Variants in ABCB1 observed in about 807,000 individuals in gnomAD.
ABCB1 encodes ATP binding cassette subfamily B member 1.
A neutral mutation model predicts 142.0 loss-of-function variants in ABCB1; 69 were observed. That is an observed-to-expected ratio of 0.49 (90% CI 0.40 to 0.59). The LOEUF (loss-of-function observed/expected upper bound fraction) is 0.59, where lower values mean the gene tolerates loss of function less well. Ranked by LOEUF, ABCB1 falls within the 20% of genes least tolerant of loss-of-function variation. The pLI, the probability that ABCB1 is intolerant of heterozygous loss-of-function variation, is 0.00. For missense variants in ABCB1, 1,326 were observed against 1,554.7 expected (o/e 0.85, Z 2.47); for synonymous variants, 532 against 539.2 (o/e 0.99, Z 0.18).
intron 1 of ABCB1, among the ~76,000 whole-genome samples, chr7:87,668,762 T>C (rs1261479442): frequency 6.6e-6 from 1 of 152,234 alleles, no homozygotes; most frequent in East Asian, 1.9e-4. Context: ...GCATGATGTT[T>C]AATTTCTGTG....
chr7:87,509,420 A>G lies in ABCB1; in HGVS notation c.3344T>C (p.Ile1115Thr), dbSNP rs199931681. 10 of 1,614,070 alleles carry G rather than the reference A, an allele frequency of 6.2e-6. No individual in the cohort carries two copies. Among genetic ancestry groups the G allele is most frequent in the South Asian group, 1.1e-5 (1 of 91,080 alleles). ...NVQWLRAHLG[I>T]VSQEPILFDC... ...AAACAGGATGGGCTCCTGGGACACGATGCCCAGGTGTGCTCGGAGCCACTG... is the reference window on the plus strand; with the variant it reads ...AAACAGGATGGGCTCCTGGGACACGGTGCCCAGGTGTGCTCGGAGCCACTG... Residue 1115 changes from isoleucine (I) to threonine (T), a missense_variant, in exon 26 of 28, where the codon ATC (isoleucine) becomes ACC (threonine). Coordinates refer to ENST00000622132, the MANE Select transcript of ABCB1 (RefSeq NM_001348946.2).
chr7:87,646,430 C>T (rs1168389930), intron 1 of ABCB1, among the ~76,000 whole-genome samples: 2 of 152,028 alleles, frequency 1.3e-5, no homozygotes, highest in East Asian at 3.8e-4. Flanking sequence ...ATGAATTAAG[C>T]ACTTTGTTAA....
At chr7:87,549,830 C>T in intron 13 of ABCB1, 21 bp downstream of exon 13, 1 of 1,613,766 alleles carries the variant, frequency 6.2e-7, no homozygotes, top group Middle Eastern at 1.6e-4. Context: ...TCTAGAAAGG[C>T]AAAGGGCAAG....
At chr7:87,551,572 A>T (rs1348342565) in intron 9 of ABCB1, among the ~76,000 whole-genome samples, 4 of 152,166 alleles carry the variant, frequency 2.6e-5, no homozygotes, top group African/African-American at 9.6e-5. Flanking sequence ...GCTCACTGCA[A>T]CTTCAACCTC....
chr7:87,534,190 T>C (rs1030728172), intron 20 of ABCB1, among the ~76,000 whole-genome samples: 2 of 152,134 alleles, frequency 1.3e-5, no homozygotes, highest in African/African-American at 4.8e-5. Flanking sequence ...ATACATCTGC[T>C]CTGGGTTCTG....
rs758834776 is a variant in ABCB1, at chr7:87,566,114, C to T, written c.658G>A (p.Ala220Thr). ...GACAGTCCAAGAACAGGACTGATGGCCAAAATCACAAGGGTTAGCTTCCAA... is the reference window on the plus strand; with the variant it reads ...GACAGTCCAAGAACAGGACTGATGGTCAAAATCACAAGGGTTAGCTTCCAA... ...RGWKLTLVIL[A>T]ISPVLGLSAA... The change falls in exon 7 of 28, where the codon GCC (alanine) becomes ACC (threonine). Residue 220 changes from alanine to threonine, a missense_variant. Transcript: ENST00000622132. The T allele has an allele frequency of 1.5e-5, 24 of 1,614,014 alleles. No homozygotes were observed. Among genetic ancestry groups the T allele is most frequent in the East Asian group, 6.7e-5 (3 of 44,888 alleles).
intron 2 of ABCB1, among the ~76,000 whole-genome samples, chr7:87,596,882 T>G (rs962774802): frequency 1.3e-5 from 2 of 152,050 alleles, no homozygotes; most frequent in African/African-American, 4.8e-5. Context: ...GGAACCAGGA[T>G]GAAAGGAGAA....
intron 4 of ABCB1, 62 bp downstream of exon 4, chr7:87,585,450 C>A: frequency 1.3e-6 from 2 of 1,545,298 alleles, no homozygotes; most frequent in Non-Finnish European, 1.8e-6. Flanking sequence ...CCATAAACAT[C>A]ACTCTAAGTG....
chr7:87,522,317 T>C, intron 21 of ABCB1: 5 of 757,210 alleles, frequency 6.6e-6, no homozygotes, highest in South Asian at 5.4e-5. Context: ...CTCTGGCCCC[T>C]ATGCTGGTAC....
Position 87,655,262 on chromosome 7 carries a change from C to A in ABCB1, c.-330-54184G>T, listed in dbSNP as rs534275822. ...TGAAATCAGTGTCTCGAAGAGTTAT[C>A]TCTACTCCCATGTTCATTGCAGGAT... On this transcript the variant is annotated intron_variant, in intron 1 of 28. Coordinates refer to the ABCB1 transcript ENST00000265724. 8.4e-4 allele frequency among the ~76,000 whole-genome samples: 128 copies of A among 152,294 alleles called. 1 individual carries two copies. Among genetic ancestry groups the A allele is most frequent in the Admixed American group, 7.3e-3 (112 of 15,266 alleles).
intron 1 of ABCB1, among the ~76,000 whole-genome samples, chr7:87,655,314 C>T (rs920142545): frequency 2.0e-5 from 3 of 152,048 alleles, no homozygotes; most frequent in South Asian, 2.1e-4. Flanking sequence ...GATAAGGACT[C>T]AACCTAATTG....
In ABCB1 at chr7:87,552,839, C is replaced by T. The variant is rs577627450; in HGVS notation, c.999+922G>A. On this transcript the variant is annotated intron_variant, in intron 9 of 27. Coordinates refer to ENST00000622132, the MANE Select transcript of ABCB1 (RefSeq NM_001348946.2). ...CCTCAATCTATTTCTGCTTGGCCTA[C>T]GAAAAAGGAACTAAGTGACTCTTCT... Among the ~76,000 whole-genome samples the T allele has an allele frequency of 6.6e-5, 10 of 151,722 alleles. No homozygotes were observed. In the East Asian group the frequency reaches 1.2e-3, roughly 18 times the overall value.
intron 1 of ABCB1, chr7:87,694,020 G>A (rs537238617): frequency 1.0e-4 from 165 of 1,599,778 alleles, no homozygotes; most frequent in East Asian, 1.3e-4. Flanking sequence ...ATTGACTTTC[G>A]GGGGAGGGCT....
chr7:87,598,707 G>A (rs1414118900), intron 2 of ABCB1, among the ~76,000 whole-genome samples: 4 of 152,156 alleles, frequency 2.6e-5, no homozygotes, highest in African/African-American at 9.7e-5. Context: ...TTCAGCAGTA[G>A]CATTCAGTAT....
At position 87,608,002 on chromosome 7, in the gene ABCB1, T is replaced by C. The variant is rs1037776363; in HGVS notation, c.-330-6924A>G. 5.3e-5 allele frequency among the ~76,000 whole-genome samples: 8 copies of C among 152,342 alleles called. No individual in the cohort carries two copies. In the East Asian group the frequency reaches 1.5e-3, roughly 29 times the overall value. Reference sequence around the variant, plus strand: ...AAAGTCAATACCCAAGGAAGCTATATACCAATTTCAATGATGCCTGCCAAG... The same window carrying C: ...AAAGTCAATACCCAAGGAAGCTATACACCAATTTCAATGATGCCTGCCAAG... On this transcript the variant is annotated intron_variant, in intron 1 of 28. Coordinates refer to the ABCB1 transcript ENST00000265724.
Position 87,549,940 on chromosome 7 carries a change from G to A in ABCB1, c.1465C>T (p.Arg489Cys), listed in dbSNP as rs142600685. ...ATGGTGACATTTTCACGGCCATAGCGAATGTTTTCAGCTATCGTGGTGGCA... is the reference window on the plus strand; with the variant it reads ...ATGGTGACATTTTCACGGCCATAGCAAATGTTTTCAGCTATCGTGGTGGCA... ...LFATTIAENI[R>C]YGRENVTMDE... The change falls in exon 13 of 28, where the codon CGC becomes TGC. Residue 489 changes from arginine to cysteine, a missense_variant. Transcript: ENST00000622132. 2.0e-4 allele frequency: 330 copies of A among 1,614,138 alleles called. No individual in the cohort carries two copies. The highest frequency in any genetic ancestry group is 1.1e-3 in the African/African-American group (81 of 75,012).
chr7:87,663,322 T>A (rs1585035883), intron 1 of ABCB1, among the ~76,000 whole-genome samples: 1 of 152,258 alleles, frequency 6.6e-6, no homozygotes, highest in Non-Finnish European at 1.5e-5. Context: ...CTTGTGTTTA[T>A]TACCCATTGA....
intron 1 of ABCB1, among the ~76,000 whole-genome samples, chr7:87,637,693 GA>G (rs1228864850): frequency 6.6e-6 from 1 of 151,808 alleles, no homozygotes; most frequent in Non-Finnish European, 1.5e-5. Context: ...TGAAATCATT[GA>G]AAACTTTTCA....
At chr7:87,581,209 A>G (rs1019220250) in intron 4 of ABCB1, among the ~76,000 whole-genome samples, 3 of 152,050 alleles carry the variant, frequency 2.0e-5, no homozygotes, top group African/African-American at 7.2e-5. Context: ...CTCCCACCTC[A>G]GCCTCTCCAA....
Sources: gnomAD v4.1 joint callset for allele counts (sites outside exome capture counted in the v4.1 genomes callset) on GRCh38, gnomAD v4.1.1 for gene constraint, MANE v1.5 for transcripts, NCBI Gene and HGNC (gene_info 2026-07-23, HGNC 2026-07-21) for gene names.